Variants in MAGI3 observed in about 807,000 individuals in gnomAD.
MAGI3 encodes the protein membrane-associated guanylate kinase, WW and PDZ domain-containing protein 3.
A neutral mutation model predicts 121.8 loss-of-function variants in MAGI3; 43 were observed. That is an observed-to-expected ratio of 0.35 (90% CI 0.28 to 0.46). The LOEUF is 0.46. Among genes scored for constraint, MAGI3 ranks in the 20% least tolerant of loss-of-function variants. The pLI is 1.00. For missense variants in MAGI3, 1,547 were observed against 1,797.3 expected (o/e 0.86, Z 2.52); for synonymous variants, 553 against 639.3 (o/e 0.86, Z 2.04).
chr1:113,637,864 C>T (rs911486627), intron 9 of MAGI3, among the ~76,000 whole-genome samples: 2 of 152,358 alleles, frequency 1.3e-5, no homozygotes, highest in East Asian at 3.9e-4. Context: ...CTTTCAGGTA[C>T]ACCAATCAGA....
intron 1 of MAGI3, among the ~76,000 whole-genome samples, chr1:113,494,340 C>T (rs558007206): frequency 1.4e-4 from 21 of 151,952 alleles, no homozygotes; most frequent in Non-Finnish European, 2.2e-4. Context: ...GAACAACACA[C>T]GCTGGGGACT....
chr1:113,644,255 CTTAT>C lies in MAGI3; in HGVS notation c.1998+484_1998+487del, dbSNP rs1557871351. 3.3e-5 allele frequency among the ~76,000 whole-genome samples: 5 copies of C among 151,888 alleles called. No individual in the cohort carries two copies. In the South Asian group the frequency reaches 1.0e-3, roughly 32 times the overall value. ...TTCTTACTTTTAAGACTAAATTAGG[CTTAT>C]TTTTTTATTATTTATTTTTTATTTA... On this transcript the variant is annotated intron_variant, in intron 11 of 20. Coordinates refer to ENST00000307546, the MANE Select transcript of MAGI3 (RefSeq NM_001142782.2).
intron 1 of MAGI3, among the ~76,000 whole-genome samples, chr1:113,547,754 T>C (rs1255557062): frequency 6.6e-6 from 1 of 152,208 alleles, no homozygotes; most frequent in Non-Finnish European, 1.5e-5. Context: ...ATTTAAAAAA[T>C]GAAATAATAT....
intron 1 of MAGI3, among the ~76,000 whole-genome samples, chr1:113,457,761 A>G (rs1570704252): frequency 6.6e-6 from 1 of 152,122 alleles, no homozygotes; most frequent in Non-Finnish European, 1.5e-5. Flanking sequence ...TAAAATAGGT[A>G]TTGACCAATT....
At chr1:113,460,399 A>C (rs1356953431) in intron 1 of MAGI3, among the ~76,000 whole-genome samples, 1 of 152,222 alleles carries the variant, frequency 6.6e-6, no homozygotes, top group Non-Finnish European at 1.5e-5. Context: ...TCAATTCAAC[A>C]TAGTACTGGA....
At chr1:113,644,472 A>G (rs1570991135) in intron 11 of MAGI3, among the ~76,000 whole-genome samples, 3 of 151,988 alleles carry the variant, frequency 2.0e-5, no homozygotes, top group South Asian at 2.1e-4. Context: ...TAGTAGAGAC[A>G]GGGTTTCACC....
Position 113,552,002 on chromosome 1 carries a change from G to A in MAGI3, c.433+2371G>A, listed in dbSNP as rs78564557. Among the ~76,000 whole-genome samples the A allele has an allele frequency of 7.5e-3, 1,137 of 151,614 alleles. 12 individuals carry two copies. The highest frequency in any genetic ancestry group is 0.026 in the African/African-American group (1,083 of 41,314). ...TGAAGTAATATCTTTTTATTCCTAC[G>A]AAATATAAGGTAATCAGTAAATGTA... On this transcript the variant is annotated intron_variant, in intron 2 of 20. Coordinates refer to ENST00000307546, the MANE Select transcript of MAGI3 (RefSeq NM_001142782.2).
Position 113,549,649 on chromosome 1 carries a change from T to C in MAGI3, c.433+18T>C. On this transcript the variant is annotated intron_variant, in intron 2 of 20. Transcript: ENST00000307546. The stretch of plus-strand genomic sequence containing the variant: ...CATTCCATGTAAGTATGTGATGGAA[T>C]AAAAGAACTGAAGCAGAAATGTCCT... The C allele has an allele frequency of 5.2e-6, 7 of 1,346,534 alleles. No individual in the cohort carries two copies. In the South Asian group the frequency reaches 9.0e-5, roughly 17 times the overall value. The allele number at this position is 1,346,534 out of a possible 1,614,324, so 83.4% of individuals were successfully genotyped here. A position where few individuals can be genotyped will look rare whatever the true frequency, so the allele number is the denominator to read the frequency against.
At chr1:113,451,528 C>T (rs952949112) in intron 1 of MAGI3, among the ~76,000 whole-genome samples, 1 of 152,084 alleles carries the variant, frequency 6.6e-6, no homozygotes, top group African/African-American at 2.4e-5. Context: ...TTTTTGATGC[C>T]AAGTGTTCTC....
At chr1:113,585,059 C>G (rs1648279118) in intron 3 of MAGI3, among the ~76,000 whole-genome samples, 1 of 148,584 alleles carries the variant, frequency 6.7e-6, no homozygotes, top group East Asian at 2.0e-4. Flanking sequence ...CCTCTGCCTC[C>G]TAGATTCAAG....
chr1:113,479,269 G>T (rs1456544005), intron 1 of MAGI3, among the ~76,000 whole-genome samples: 1 of 152,154 alleles, frequency 6.6e-6, no homozygotes, highest in African/African-American at 2.4e-5. Context: ...TGTTCCACCA[G>T]TCCCAATGGG....
At chr1:113,564,525 C>T (rs1446428011) in intron 2 of MAGI3, among the ~76,000 whole-genome samples, 1 of 152,040 alleles carries the variant, frequency 6.6e-6, no homozygotes, top group Admixed American at 6.5e-5. Context: ...GATTTTGTTA[C>T]TATTTTTCAA....
chr1:113,514,379 T>A (rs1657777930), intron 1 of MAGI3, among the ~76,000 whole-genome samples: 1 of 152,132 alleles, frequency 6.6e-6, no homozygotes, highest in Admixed American at 6.6e-5. Context: ...CCAACCCAAA[T>A]GTCCAACAAT....
intron 2 of MAGI3, among the ~76,000 whole-genome samples, chr1:113,561,978 G>A (rs1221654784): frequency 6.6e-6 from 1 of 152,172 alleles, no homozygotes; most frequent in Admixed American, 6.5e-5. Flanking sequence ...CAACAGGCAA[G>A]CTGAGAGCCA....
At chr1:113,612,265 A>C (rs1650200359) in intron 6 of MAGI3, among the ~76,000 whole-genome samples, 1 of 152,146 alleles carries the variant, frequency 6.6e-6, no homozygotes, top group Admixed American at 6.6e-5. Flanking sequence ...ATCAGCTTTT[A>C]GCAGGCTTTC....
intron 1 of MAGI3, among the ~76,000 whole-genome samples, chr1:113,415,544 T>C (rs1156363906): frequency 6.6e-6 from 1 of 152,022 alleles, no homozygotes; most frequent in African/African-American, 2.4e-5. Context: ...CCGCTCCTAT[T>C]ATACTCCAGC....
intron 1 of MAGI3, among the ~76,000 whole-genome samples, chr1:113,526,501 G>C (rs184584792): frequency 6.6e-6 from 1 of 152,310 alleles, no homozygotes; most frequent in African/African-American, 2.4e-5. Flanking sequence ...AGGAATGTCA[G>C]AATGACGGTG....
chr1:113,477,876 G>A (rs1402605609), intron 1 of MAGI3, among the ~76,000 whole-genome samples: 1 of 152,300 alleles, frequency 6.6e-6, no homozygotes. Context: ...ATCAAATGTA[G>A]ATTTGGTCTT....
Position 113,646,505 on chromosome 1 carries a change from A to G in MAGI3, c.2018A>G (p.Asn673Ser). 1.3e-6 allele frequency: 2 copies of G among 1,598,118 alleles called. No individual in the cohort carries two copies. Among genetic ancestry groups the G allele is most frequent in the Non-Finnish European group, 1.7e-6 (2 of 1,174,924 alleles). Reference sequence around the variant, plus strand: ...TTTCAGAAAACAGATAAAAAGGAAAATGCAGGAAGTTTGGAGGCCATAAAT... The same window carrying G: ...TTTCAGAAAACAGATAAAAAGGAAAGTGCAGGAAGTTTGGAGGCCATAAAT... ...TAKMKTDKKE[N>S]AGSLEAINEP... Residue 673 changes from asparagine to serine, a missense_variant, in exon 12 of 21, where the codon AAT becomes AGT. By Grantham distance (46) the Asn-to-Ser change is conservative. Transcript: ENST00000307546.
Sources: gnomAD v4.1 joint callset for allele counts (sites outside exome capture counted in the v4.1 genomes callset) on GRCh38, gnomAD v4.1.1 for gene constraint, MANE v1.5 for transcripts, NCBI Gene and HGNC (gene_info 2026-07-23, HGNC 2026-07-21) for gene names.